Variants in MARCHF1 observed in about 807,000 individuals in gnomAD.
MARCHF1 encodes the protein E3 ubiquitin-protein ligase MARCHF1.
MARCHF1 carries 40 observed loss-of-function variants against 54.2 expected under a neutral mutation model. That is an observed-to-expected ratio of 0.74 (90% CI 0.57 to 0.96). The LOEUF (loss-of-function observed/expected upper bound fraction) is 0.96. MARCHF1 is among the 40% of genes least tolerant of loss of function. MARCHF1 has a pLI of 0.00. For missense variants in MARCHF1, 586 were observed against 656.5 expected (o/e 0.89, Z 1.17); for synonymous variants, 236 against 236.3 (o/e 1.00, Z 0.01).
chr4:163,890,810 T>C (rs1459238153), intron 3 of MARCHF1, among the ~76,000 whole-genome samples: 1 of 152,002 alleles, frequency 6.6e-6, no homozygotes, highest in Non-Finnish European at 1.5e-5. Flanking sequence ...GAACCCGGCC[T>C]CCCCAGTATA....
intron 9 of MARCHF1, chr4:163,530,459 T>C (rs541601870): frequency 2.3e-4 from 35 of 152,098 alleles, no homozygotes; most frequent in African/African-American, 8.4e-4. Flanking sequence ...CACTTGCTTA[T>C]CCAGTTTTTC....
intron 7 of MARCHF1, among the ~76,000 whole-genome samples, chr4:163,591,078 AATT>A (rs1029883221): frequency 7.9e-5 from 12 of 151,588 alleles, no homozygotes; most frequent in Admixed American, 5.9e-4. Context: ...ATTATTAATT[AATT>A]ATTGTCACTT....
At chr4:163,576,537 T>C (rs1182447451) in intron 8 of MARCHF1, among the ~76,000 whole-genome samples, 5 of 152,094 alleles carry the variant, frequency 3.3e-5, no homozygotes, top group Non-Finnish European at 7.4e-5. Context: ...AATAGAGTGC[T>C]CTGTAGATGT....
chr4:164,109,605 C>T (rs966371178), intron 2 of MARCHF1, among the ~76,000 whole-genome samples: 3 of 151,494 alleles, frequency 2.0e-5, no homozygotes, highest in African/African-American at 4.8e-5. Flanking sequence ...TGCACCTTTC[C>T]CACATATTCC....
At chr4:163,859,800 T>C (rs1158161866) in intron 3 of MARCHF1, among the ~76,000 whole-genome samples, 2 of 152,284 alleles carry the variant, frequency 1.3e-5, no homozygotes, top group South Asian at 2.1e-4. Flanking sequence ...ATCCTCATTA[T>C]ACTAAGAGAT....
At chr4:163,907,286 T>A (rs372528328) in intron 3 of MARCHF1, among the ~76,000 whole-genome samples, 1 of 152,128 alleles carries the variant, frequency 6.6e-6, no homozygotes, top group East Asian at 1.9e-4. Context: ...TATATTTTTA[T>A]GTCTCAGTAA....
chr4:164,316,366 G>A (rs562318601), intron 1 of MARCHF1, among the ~76,000 whole-genome samples: 3 of 152,178 alleles, frequency 2.0e-5, no homozygotes, highest in Non-Finnish European at 4.4e-5. Flanking sequence ...CTGCTCACCA[G>A]CTAGTTAGTA....
At chr4:163,786,483 G>A (rs1186651395) in intron 4 of MARCHF1, among the ~76,000 whole-genome samples, 1 of 151,616 alleles carries the variant, frequency 6.6e-6, no homozygotes, top group Non-Finnish European at 1.5e-5. Flanking sequence ...AAATAATAAT[G>A]GACATTACTA....
intron 3 of MARCHF1, among the ~76,000 whole-genome samples, chr4:163,949,088 T>A (rs1440706354): frequency 6.6e-6 from 1 of 152,228 alleles, no homozygotes; most frequent in Non-Finnish European, 1.5e-5. Flanking sequence ...CCTGGCAGTC[T>A]GCACTCAACT....
chr4:164,125,986 T>C (rs1756171287), intron 1 of MARCHF1, among the ~76,000 whole-genome samples: 2 of 152,356 alleles, frequency 1.3e-5, no homozygotes, highest in East Asian at 1.9e-4. Context: ...TGAAGACCAC[T>C]GTGTTATACA....
intron 1 of MARCHF1, among the ~76,000 whole-genome samples, chr4:164,159,757 T>C (rs1031773107): frequency 6.6e-6 from 1 of 152,150 alleles, no homozygotes; most frequent in Admixed American, 6.5e-5. Flanking sequence ...ATGGAAAGAA[T>C]GTAAGCTAGC....
chr4:163,998,191 C>T (rs4056322), intron 2 of MARCHF1, among the ~76,000 whole-genome samples: 145,048 of 151,278 alleles, frequency 0.96, 69,832 homozygotes, highest in East Asian at 1. Context: ...AATCAGAAGA[C>T]TTATTAGATA....
At chr4:163,885,136 G>T (rs569975420) in intron 3 of MARCHF1, among the ~76,000 whole-genome samples, 29 of 152,186 alleles carry the variant, frequency 1.9e-4, no homozygotes, top group African/African-American at 7.0e-4. Context: ...ACTAAACTTT[G>T]GTATACAATG....
intron 4 of MARCHF1, among the ~76,000 whole-genome samples, chr4:163,818,071 C>G (rs901366786): frequency 2.1e-4 from 31 of 151,172 alleles, no homozygotes; most frequent in African/African-American, 7.6e-4. Flanking sequence ...TGTAACTAAC[C>G]TGCACATTGT....
At chr4:163,699,777 G>A (rs532314202) in intron 5 of MARCHF1, among the ~76,000 whole-genome samples, 2 of 152,036 alleles carry the variant, frequency 1.3e-5, no homozygotes, top group Admixed American at 6.6e-5. Context: ...TTTGACAAAT[G>A]ACTCTAAATT....
chr4:164,094,160 G>A (rs578045680), intron 2 of MARCHF1, among the ~76,000 whole-genome samples: 7 of 152,058 alleles, frequency 4.6e-5, no homozygotes, highest in East Asian at 3.9e-4. Context: ...GTGGATGGAC[G>A]TGCCAGCAAA....
intron 1 of MARCHF1, among the ~76,000 whole-genome samples, chr4:164,369,642 T>A (rs887790428): frequency 4.6e-5 from 7 of 152,232 alleles, no homozygotes; most frequent in Non-Finnish European, 8.8e-5. Context: ...TAATTATATA[T>A]GTACTTACGT....
chr4:163,756,160 A>G (rs543794451), intron 4 of MARCHF1, among the ~76,000 whole-genome samples: 2 of 152,348 alleles, frequency 1.3e-5, no homozygotes, highest in South Asian at 4.1e-4. Context: ...TGTTTAGACC[A>G]TCACAGAAGC....
chr4:163,970,051 T>C (rs1752518825), intron 3 of MARCHF1, among the ~76,000 whole-genome samples: 1 of 152,120 alleles, frequency 6.6e-6, no homozygotes, highest in Non-Finnish European at 1.5e-5. Flanking sequence ...ATCTCACATA[T>C]TCAGAGGGCC....
Sources: gnomAD v4.1 joint callset for allele counts (sites outside exome capture counted in the v4.1 genomes callset) on GRCh38, gnomAD v4.1.1 for gene constraint, MANE v1.5 for transcripts, NCBI Gene and HGNC (gene_info 2026-07-23, HGNC 2026-07-21) for gene names.